SLC39A11: variants seen among roughly 807,000 people sequenced by gnomAD.
SLC39A11 encodes solute carrier family 39 member 11.
Under a neutral mutation model 36.1 loss-of-function variants are expected in SLC39A11, and 33 were observed. The ratio of observed to expected loss-of-function variants is 0.91; its 90% CI spans 0.69 to 1.22. SLC39A11 has a LOEUF of 1.22. Ranked by LOEUF, SLC39A11 falls within the 50% of genes most tolerant of loss-of-function variation. The probability of loss-of-function intolerance (pLI) is 0.00; values close to 1 mark genes in which losing one functional copy is unlikely to be tolerated. For synonymous variants in SLC39A11, 166 were observed against 170.3 expected (o/e 0.97, Z 0.20); for missense variants, 432 against 430.3 (o/e 1.00, Z -0.03).
chr17:73,031,673 T>A lies in SLC39A11; in HGVS notation c.189A>T (p.Ala63=). The change falls in exon 4 of 10, where the codon GCA becomes GCT. Residue 63 remains alanine (A), a synonymous_variant. Coordinates refer to ENST00000255559, the MANE Select transcript of SLC39A11 (RefSeq NM_139177.4). The part of the protein sequence containing the change: ...AASYWSLLAP[A]VEMATSSGGF... ...CCCCAGAGGACGTGGCCATCTCAAC[T>A]GCTGGGGCCAGAAGAGACCAATAGG... is the stretch of plus-strand genomic sequence containing the variant. 6.2e-7 allele frequency: 1 copy of A among 1,614,106 alleles called. No individual in the cohort carries two copies. Among genetic ancestry groups the A allele is most frequent in the Non-Finnish European group, 8.5e-7 (1 of 1,180,024 alleles).
chr17:72,905,172 CAAAAAAA>C (rs58702930), intron 5 of SLC39A11, among the ~76,000 whole-genome samples: 824 of 42,858 alleles, frequency 0.019, 10 homozygotes, highest in Non-Finnish European at 0.024. Flanking sequence ...GACTCCATCT[CAAAAAAA>C]AAAAAAAAAA....
chr17:72,647,042 A>T lies in SLC39A11; in HGVS notation c.*542T>A, dbSNP rs1472584193. 1 of 151,436 alleles carries T rather than the reference A, an allele frequency of 6.6e-6. No homozygotes were observed. Among genetic ancestry groups the T allele is most frequent in the Non-Finnish European group, 1.5e-5 (1 of 68,006 alleles). The allele number at this position is 151,436 out of a possible 1,614,324, so 9.4% of individuals were successfully genotyped here. A position where few individuals can be genotyped will look rare whatever the true frequency, so the allele number is the denominator to read the frequency against. ...GTATCTCCTTAGGGGGAGGTAAAGG[A>T]AGACATGCTCCTCTCTGGGCTGGCT... On this transcript the variant is annotated 3_prime_UTR_variant, in exon 10 of 10. Coordinates refer to ENST00000255559, the MANE Select transcript of SLC39A11 (RefSeq NM_139177.4).
intron 5 of SLC39A11, among the ~76,000 whole-genome samples, chr17:72,897,985 GGA>G (rs1296344150): frequency 2.0e-5 from 3 of 152,086 alleles, no homozygotes; most frequent in African/African-American, 7.2e-5. Context: ...CAGAAACGTA[GGA>G]GAGTCTGGAA....
At chr17:72,962,634 T>A (rs951322655) in intron 4 of SLC39A11, among the ~76,000 whole-genome samples, 5 of 152,110 alleles carry the variant, frequency 3.3e-5, no homozygotes, top group Admixed American at 2.0e-4. Context: ...CCTCCCGAGT[T>A]CATGCAATTC....
At chr17:72,694,979 G>C (rs540390088) in intron 7 of SLC39A11, among the ~76,000 whole-genome samples, 1 of 138,718 alleles carries the variant, frequency 7.2e-6, no homozygotes, top group South Asian at 2.2e-4. Context: ...GTTGAGCATA[G>C]ACCTTCCCTT....
At chr17:73,048,812 G>A (rs1000719108) in intron 3 of SLC39A11, among the ~76,000 whole-genome samples, 2 of 152,126 alleles carry the variant, frequency 1.3e-5, no homozygotes, top group Non-Finnish European at 1.5e-5. Flanking sequence ...TATTATTGCA[G>A]CCAATGACTT....
chr17:72,665,405 T>TTTTTTTTTTTTTTTTTTTTTC (rs1555631683), intron 7 of SLC39A11, among the ~76,000 whole-genome samples: 1 of 144,234 alleles, frequency 6.9e-6, no homozygotes, highest in Non-Finnish European at 1.5e-5. Flanking sequence ...TTTTTTTTTT[T>TTTTTTTTTTTTTTTTTTTTTC]TTTTTGAGAC....
intron 4 of SLC39A11, among the ~76,000 whole-genome samples, chr17:73,025,231 G>C (rs550201182): frequency 1.3e-5 from 2 of 152,128 alleles, no homozygotes; most frequent in Non-Finnish European, 2.9e-5. Flanking sequence ...CCAAGTCCAC[G>C]TGGAGGAGAC....
At chr17:72,759,363 TTAA>T (rs1732270918) in intron 6 of SLC39A11, among the ~76,000 whole-genome samples, 1 of 152,210 alleles carries the variant, frequency 6.6e-6, no homozygotes, top group South Asian at 2.1e-4. Flanking sequence ...GGTGGATTCA[TTAA>T]TAATAACTCA....
chr17:72,896,337 G>A (rs1199728958), intron 5 of SLC39A11, among the ~76,000 whole-genome samples: 1 of 151,380 alleles, frequency 6.6e-6, no homozygotes, highest in Non-Finnish European at 1.5e-5. Context: ...GAGTAACTGG[G>A]ATTACAGATG....
intron 5 of SLC39A11, among the ~76,000 whole-genome samples, chr17:72,864,669 T>G (rs2080214007): frequency 6.6e-6 from 1 of 152,162 alleles, no homozygotes; most frequent in African/African-American, 2.4e-5. Context: ...TATTCACTGA[T>G]GAACTCACCA....
At chr17:72,770,012 T>C (rs1047226526) in intron 6 of SLC39A11, among the ~76,000 whole-genome samples, 12 of 152,196 alleles carry the variant, frequency 7.9e-5, no homozygotes, top group South Asian at 4.1e-4. Flanking sequence ...CATCTATTGA[T>C]TGGCGTCTCA....
At chr17:72,935,385 G>A (rs1202576151) in intron 5 of SLC39A11, among the ~76,000 whole-genome samples, 1 of 152,160 alleles carries the variant, frequency 6.6e-6, no homozygotes, top group Non-Finnish European at 1.5e-5. Flanking sequence ...GGGATAGGTT[G>A]AGGGTAGGGT....
chr17:72,845,841 C>T lies in SLC39A11; in HGVS notation c.601+3793G>A, dbSNP rs375979933. On this transcript the variant is annotated intron_variant, in intron 6 of 9. Coordinates refer to ENST00000255559, the MANE Select transcript of SLC39A11 (RefSeq NM_139177.4). ...TACTGAAACCAGTGACTATTACCACCATGCTTCTGGTGAAATCTAACTCAA... is the reference window on the plus strand; with the variant it reads ...TACTGAAACCAGTGACTATTACCACTATGCTTCTGGTGAAATCTAACTCAA... Among the ~76,000 whole-genome samples the T allele has an allele frequency of 1.4e-4, 22 of 152,294 alleles. 1 individual carries two copies. Among genetic ancestry groups the T allele is most frequent in the African/African-American group, 5.3e-4 (22 of 41,570 alleles).
intron 5 of SLC39A11, among the ~76,000 whole-genome samples, chr17:72,871,873 T>C (rs138289189): frequency 2.0e-5 from 3 of 152,268 alleles, no homozygotes; most frequent in East Asian, 1.9e-4. Context: ...GGATCTGTAA[T>C]TGTTGTTTGA....
chr17:72,894,359 T>A, intron 5 of SLC39A11, among the ~76,000 whole-genome samples: 1 of 43,360 alleles, frequency 2.3e-5, no homozygotes, highest in Admixed American at 4.0e-4. Flanking sequence ...AGACTCTGTC[T>A]CAAAAAAAAA....
intron 7 of SLC39A11, among the ~76,000 whole-genome samples, chr17:72,687,886 G>A (rs557085284): frequency 6.6e-6 from 1 of 152,274 alleles, no homozygotes; most frequent in South Asian, 2.1e-4. Flanking sequence ...GAGGCTCTGT[G>A]GCATACAGTG....
intron 4 of SLC39A11, among the ~76,000 whole-genome samples, chr17:73,022,486 C>CCAGGAGGCTGAGGCAGG (rs1377431040): frequency 6.6e-6 from 1 of 150,870 alleles, no homozygotes; most frequent in Non-Finnish European, 1.5e-5. Flanking sequence ...TACCAGCTAC[C>CCAGGAGGCTGAGGCAGG]CAGGAGGCTG....
At chr17:72,989,951 C>T (rs1031404343) in intron 4 of SLC39A11, among the ~76,000 whole-genome samples, 1 of 152,170 alleles carries the variant, frequency 6.6e-6, no homozygotes, top group Non-Finnish European at 1.5e-5. Context: ...TTTATTCTTT[C>T]GATGAGACGT....
Sources: allele counts gnomAD v4.1 joint callset (sites outside exome capture counted in the v4.1 genomes callset), GRCh38; gene constraint gnomAD v4.1.1; transcripts MANE v1.5; gene names NCBI Gene and HGNC (gene_info 2026-07-23, HGNC 2026-07-21).